ANO4: variants seen among roughly 807,000 people sequenced by gnomAD.
The protein encoded by ANO4 is anoctamin 4.
In ANO4, 69 loss-of-function variants were observed where a neutral mutation model predicts 141.9. The observed-to-expected ratio is 0.49, with a 90% CI of 0.40 to 0.59. ANO4 has a LOEUF of 0.59. Among genes scored for constraint, ANO4 ranks in the 20% least tolerant of loss-of-function variants. The pLI is 0.00. For synonymous variants in ANO4, 350 were observed against 394.3 expected (o/e 0.89, Z 1.33); for missense variants, 894 against 1,162.2 (o/e 0.77, Z 3.36).
chr12:100,988,223 AT>A (rs1168237545), intron 8 of ANO4, among the ~76,000 whole-genome samples: 1 of 152,144 alleles, frequency 6.6e-6, no homozygotes, highest in African/African-American at 2.4e-5. Context: ...CACTTTTGAC[AT>A]GGGGGGAGGA....
At chr12:100,948,361 T>C (rs947971524) in intron 5 of ANO4, among the ~76,000 whole-genome samples, 4 of 152,134 alleles carry the variant, frequency 2.6e-5, no homozygotes, top group Non-Finnish European at 5.9e-5. Context: ...GGGCAATTTA[T>C]CAGATTTTTA....
intron 14 of ANO4, among the ~76,000 whole-genome samples, chr12:101,062,095 G>T (rs2048371126): frequency 6.6e-6 from 1 of 152,160 alleles, no homozygotes; most frequent in South Asian, 2.1e-4. Flanking sequence ...TGATGTTGAT[G>T]CTGTTCCTTT....
intron 1 of ANO4, among the ~76,000 whole-genome samples, chr12:100,854,588 G>A (rs745428066): frequency 1.6e-4 from 24 of 151,822 alleles, no homozygotes; most frequent in Non-Finnish European, 3.2e-4. Flanking sequence ...ATTTTCCCAG[G>A]TGTATCACCT....
chr12:100,744,841 A>G (rs548899072), intron 3 of ANO4, among the ~76,000 whole-genome samples: 1 of 152,222 alleles, frequency 6.6e-6, no homozygotes, highest in African/African-American at 2.4e-5. Context: ...TCTTGTTACA[A>G]GTCTTCCTGA....
chr12:100,892,707 A>G (rs1416816373), intron 1 of ANO4, among the ~76,000 whole-genome samples: 1 of 152,202 alleles, frequency 6.6e-6, no homozygotes, highest in Non-Finnish European at 1.5e-5. Flanking sequence ...AATACCCAGT[A>G]CAATGTAAAT....
intron 17 of ANO4, among the ~76,000 whole-genome samples, chr12:101,088,594 T>C (rs2049605915): frequency 6.6e-6 from 1 of 152,140 alleles, no homozygotes; most frequent in African/African-American, 2.4e-5. Context: ...GTAGATGCTG[T>C]GTAAATTGTT....
chr12:101,069,187 C>T (rs1034682220), intron 14 of ANO4: 2 of 1,269,384 alleles, frequency 1.6e-6, no homozygotes, highest in Non-Finnish European at 2.3e-6. Flanking sequence ...ATGCGAGGAA[C>T]AGTGTCTCCC....
intron 1 of ANO4, among the ~76,000 whole-genome samples, chr12:100,826,563 C>T (rs1052730792): frequency 6.6e-6 from 1 of 151,660 alleles, no homozygotes; most frequent in African/African-American, 2.4e-5. Context: ...TTGCTAGGGC[C>T]TGCTGTTTGG....
intron 9 of ANO4, among the ~76,000 whole-genome samples, chr12:101,035,700 G>A (rs910574689): frequency 1.3e-5 from 2 of 152,118 alleles, no homozygotes; most frequent in African/African-American, 4.8e-5. Flanking sequence ...AAGAGCTCCT[G>A]GTGTAATTCC....
At chr12:100,801,565 T>C in intron 1 of ANO4, among the ~76,000 whole-genome samples, 1 of 151,926 alleles carries the variant, frequency 6.6e-6, no homozygotes, top group Admixed American at 6.6e-5. Flanking sequence ...TGAGGGTTTG[T>C]CCCATGTGTC....
At position 100,998,781 on chromosome 12, in the gene ANO4, TCATTC is replaced by T. The variant is rs58497360; in HGVS notation, c.734+11114_734+11118del. 1.8e-3 allele frequency among the ~76,000 whole-genome samples: 277 copies of T among 152,314 alleles called. 5 individuals carry two copies. The East Asian group carries it at 0.025, about 14-fold the overall frequency. ...CTCAGGTTGTCAATATTAGAGTCAG[TCATTC>T]CAGGAGGCCCCTCTCAAAACTCAAT... On this transcript the variant is annotated intron_variant, in intron 8 of 27. Coordinates refer to ENST00000392977, the MANE Select transcript of ANO4 (RefSeq NM_001286615.2).
intron 6 of ANO4, 67 bp from the exon 7 acceptor site, chr12:100,974,778 G>A: frequency 6.5e-7 from 1 of 1,530,888 alleles, no homozygotes; most frequent in Non-Finnish European, 9.1e-7. Context: ...TTCCTTCCTT[G>A]CTAGTTCAAA....
chr12:101,005,728 T>C (rs2045845291), intron 8 of ANO4, among the ~76,000 whole-genome samples: 1 of 152,218 alleles, frequency 6.6e-6, no homozygotes. Flanking sequence ...GATGGAACCT[T>C]ATATATAAAT....
intron 15 of ANO4, 110 bp from the exon 16 acceptor site, chr12:101,083,568 A>G: frequency 7.4e-7 from 1 of 1,342,802 alleles, no homozygotes; most frequent in Admixed American, 2.7e-5. Context: ...TGGTTGACTA[A>G]TTAGTGTGGC....
chr12:100,857,728 G>A (rs1216059325), intron 1 of ANO4, among the ~76,000 whole-genome samples: 2 of 152,162 alleles, frequency 1.3e-5, no homozygotes, highest in African/African-American at 4.8e-5. Flanking sequence ...GTGGCAGGAT[G>A]TGGGATGAAA....
At chr12:100,996,865 C>G (rs997664250) in intron 8 of ANO4, among the ~76,000 whole-genome samples, 1 of 151,796 alleles carries the variant, frequency 6.6e-6, no homozygotes, top group African/African-American at 2.4e-5. Context: ...GTGGTAGCAC[C>G]AATGGCAACA....
chr12:100,904,489 A>G (rs540157046), intron 2 of ANO4, among the ~76,000 whole-genome samples: 16 of 152,316 alleles, frequency 1.1e-4, no homozygotes, highest in African/African-American at 3.1e-4. Flanking sequence ...ATCACTGACT[A>G]GAAGTTTCTG....
intron 14 of ANO4, chr12:101,066,661 T>C (rs1392832068): frequency 3.3e-6 from 2 of 612,198 alleles, no homozygotes; most frequent in African/African-American, 3.7e-5. Context: ...GTCCCCATCA[T>C]GGCCCTGCGG....
chr12:100,910,804 T>C lies in ANO4; in HGVS notation c.55+8964T>C, dbSNP rs1005964975. Among the ~76,000 whole-genome samples the C allele has an allele frequency of 6.6e-5, 10 of 152,196 alleles. No individual in the cohort carries two copies. In the East Asian group the frequency reaches 9.6e-4, roughly 15 times the overall value. The stretch of plus-strand genomic sequence containing the variant: ...GAGAAGTGTCATTAATCACAGAATA[T>C]GTCCTTTAGTCTCATTTAGAATTTG... On this transcript the variant is annotated intron_variant, in intron 2 of 27. Transcript: ENST00000392977.
Sources: allele counts gnomAD v4.1 joint callset (sites outside exome capture counted in the v4.1 genomes callset), GRCh38; gene constraint gnomAD v4.1.1; transcripts MANE v1.5; gene names NCBI Gene and HGNC (gene_info 2026-07-23, HGNC 2026-07-21).